CIITA: variants seen among roughly 807,000 people sequenced by gnomAD.
The protein encoded by CIITA is class II major histocompatibility complex transactivator.
CIITA carries 72 observed loss-of-function variants against 115.1 expected under a neutral mutation model. The observed-to-expected ratio is 0.63, with a 90% confidence interval of 0.52 to 0.76. The LOEUF is 0.76. CIITA is among the 30% of genes least tolerant of loss of function. CIITA has a pLI of 0.00. For synonymous variants in CIITA, 763 were observed against 635.6 expected, an observed-to-expected ratio of 1.20 and a Z score of -3.02; for missense variants, 1,617 against 1,463.8, an observed-to-expected ratio of 1.10 and a Z score of -1.71.
rs1395880156 is a variant in CIITA at position 10,935,884 on chromosome 16, G to A, written c.*12029G>A. The A allele has an allele frequency of 1.3e-5, 2 of 152,260 alleles. No homozygotes were observed. The highest frequency in any genetic ancestry group is 3.9e-4 in the East Asian group (2 of 5,192). The allele number at this position is 152,260 out of a possible 1,614,324, so 9.4% of individuals were successfully genotyped here. A position where few individuals can be genotyped will look rare whatever the true frequency, so the allele number is the denominator to read the frequency against. On this transcript the variant is annotated 3_prime_UTR_variant, in exon 20 of 20. Transcript: ENST00000324288. The stretch of plus-strand genomic sequence containing the variant: ...AGAGAGAAAGACAGACTGAAGAGCT[G>A]ATCCAGACTGAAGAAGGCTCGAGAT...
rs2144283007 is a variant in CIITA, at chr16:10,895,397, G to C, written c.168G>C (p.Leu56=). ...ACCACTTCTATGACCAGATGGACCTGGCTGGAGAAGAAGAGATTGAGCTCT... is the reference window on the plus strand; with the variant it reads ...ACCACTTCTATGACCAGATGGACCTCGCTGGAGAAGAAGAGATTGAGCTCT... The part of the protein sequence containing the change: ...CLYHFYDQMD[L]AGEEEIELYS... Residue 56 remains leucine (L), a synonymous_variant, in exon 2 of 20, where the codon CTG becomes CTC. Transcript: ENST00000324288. 1.2e-6 allele frequency: 2 copies of C among 1,614,026 alleles called. No individual in the cohort carries two copies. Among genetic ancestry groups the C allele is most frequent in the Non-Finnish European group, 1.7e-6 (2 of 1,180,026 alleles).
chr16:10,886,371 A>G (rs1217844578), intron 1 of CIITA, among the ~76,000 whole-genome samples: 1 of 151,996 alleles, frequency 6.6e-6, no homozygotes, highest in East Asian at 1.9e-4. Flanking sequence ...ACCTGTCCAC[A>G]CCCCCAGTGA....
chr16:10,877,318 G>A lies in CIITA; in HGVS notation c.-13G>A, dbSNP rs1489897075. The A allele has an allele frequency of 6.2e-7, 1 of 1,612,128 alleles. No homozygotes were observed. Among genetic ancestry groups the A allele is most frequent in the Non-Finnish European group, 8.5e-7 (1 of 1,179,104 alleles). Reference sequence around the variant, plus strand: ...GACTCCGGGAGCTGCTGCCTGGCTGGGATTCCTACACAATGCGTTGCCTGG... The same window carrying A: ...GACTCCGGGAGCTGCTGCCTGGCTGAGATTCCTACACAATGCGTTGCCTGG... On this transcript the variant is annotated 5_prime_UTR_variant, in exon 1 of 20. Transcript: ENST00000324288.
intron 15 of CIITA, 120 bp from the exon 16 acceptor site, chr16:10,918,320 A>G: frequency 1.1e-6 from 1 of 909,914 alleles, no homozygotes; most frequent in South Asian, 1.3e-5. Context: ...CTATTTACCG[A>G]GAGGTAGCTT....
intron 1 of CIITA, among the ~76,000 whole-genome samples, chr16:10,885,452 C>T (rs898950835): frequency 6.6e-6 from 1 of 152,170 alleles, no homozygotes; most frequent in Admixed American, 6.5e-5. Flanking sequence ...CTGAGCATTG[C>T]AGTGTTGCTA....
chr16:10,882,811 C>T (rs1367792822), intron 1 of CIITA, among the ~76,000 whole-genome samples: 2 of 151,990 alleles, frequency 1.3e-5, no homozygotes, highest in Non-Finnish European at 2.9e-5. Context: ...GGAGGAGAAT[C>T]GCCTGAACCC....
downstream of CIITA, chr16:10,938,122 T>C (rs1362132312): frequency 6.6e-6 from 1 of 152,242 alleles, no homozygotes; most frequent in Non-Finnish European, 1.5e-5. This position sits in a 1 kb window ranked among gnomAD's most constrained non-coding sequence, Gnocchi z 4.9. Context: ...TCTTACTATA[T>C]ACAAGGAGAT....
intron 1 of CIITA, among the ~76,000 whole-genome samples, chr16:10,869,476 C>T (rs74007569): frequency 0.041 from 6,213 of 151,950 alleles, 396 homozygotes; most frequent in African/African-American, 0.14. Context: ...ATTGCAACTC[C>T]TCCCTCCACA....
At chr16:10,916,550 C>G (rs1234366317) in intron 15 of CIITA, 91 bp downstream of exon 15, 56 of 1,093,984 alleles carry the variant, frequency 5.1e-5, no homozygotes, top group Non-Finnish European at 6.8e-5. Context: ...TTTTTTTAGA[C>G]AAGGGCTCGC....
chr16:10,891,978 G>A (rs908569454), intron 1 of CIITA, among the ~76,000 whole-genome samples: 11 of 152,170 alleles, frequency 7.2e-5, no homozygotes, highest in African/African-American at 1.9e-4. Flanking sequence ...ACATCCGGGG[G>A]TCTGTGCTGA....
At chr16:10,938,702 G>C (rs1425518163), downstream of CIITA, 1 of 152,188 alleles carries the variant, frequency 6.6e-6, no homozygotes, top group Admixed American at 6.5e-5. The surrounding 1 kb of genome is among the most constrained non-coding windows in gnomAD (Gnocchi z 4.9). Context: ...TTGGATTTGA[G>C]GGTGGGGAGG....
At chr16:10,872,863 T>G (rs2035579820), upstream of CIITA, among the ~76,000 whole-genome samples, 1 of 152,236 alleles carries the variant, frequency 6.6e-6, no homozygotes, top group Non-Finnish European at 1.5e-5. Flanking sequence ...TTTAACCTAG[T>G]AGGGGAGGAA....
chr16:10,877,734 T>C (rs2035972604), intron 1 of CIITA, among the ~76,000 whole-genome samples: 1 of 152,218 alleles, frequency 6.6e-6, no homozygotes, highest in African/African-American at 2.4e-5. Context: ...GGGGTGCCTC[T>C]GCAGGACGGG....
At chr16:10,877,006 C>T (rs1320096822), upstream of CIITA, among the ~76,000 whole-genome samples, 1 of 152,200 alleles carries the variant, frequency 6.6e-6, no homozygotes, top group African/African-American at 2.4e-5. Flanking sequence ...TCACCAAATT[C>T]AGTCCACAGT....
intron 16 of CIITA, among the ~76,000 whole-genome samples, chr16:10,921,642 G>A (rs2040277410): frequency 1.3e-5 from 2 of 152,252 alleles, no homozygotes; most frequent in South Asian, 4.1e-4. Flanking sequence ...GGCAGTAAGA[G>A]GCATAGCTGG....
chr16:10,917,789 T>A lies in CIITA; in HGVS notation c.3063-651T>A, dbSNP rs552877855. On this transcript the variant is annotated intron_variant, in intron 15 of 19. Transcript: ENST00000324288. ...GCCACCACGCCCAGTTCAACATGAT[T>A]TTTTACTGAACCTAGAGGATATCAA... 3.3e-5 allele frequency among the ~76,000 whole-genome samples: 5 copies of A among 152,288 alleles called. 2 individuals are homozygous for A. The highest frequency in any genetic ancestry group is 6.8e-3 in the Middle Eastern group (2 of 294).
chr16:10,868,738 T>C (rs779002593), intron 1 of CIITA, among the ~76,000 whole-genome samples: 3 of 152,122 alleles, frequency 2.0e-5, no homozygotes, highest in African/African-American at 7.2e-5. Context: ...ACCCCCTCTT[T>C]CCGAGAGTGC....
chr16:10,903,999 A>G (rs1315435239), intron 9 of CIITA, 104 bp downstream of exon 9: 3 of 1,487,012 alleles, frequency 2.0e-6, no homozygotes, highest in Middle Eastern at 1.7e-4. Context: ...CTGTAGGGAC[A>G]ACAGGTCATG....
chr16:10,868,470 C>G (rs934928687), intron 1 of CIITA, among the ~76,000 whole-genome samples: 1 of 152,212 alleles, frequency 6.6e-6, no homozygotes, highest in African/African-American at 2.4e-5. Context: ...TGGTCAAATT[C>G]TCACCCAAGT....
Sources: allele counts gnomAD v4.1 joint callset (sites outside exome capture counted in the v4.1 genomes callset), GRCh38; gene constraint gnomAD v4.1.1; non-coding constraint Gnocchi (gnomAD v3.1); transcripts MANE v1.5; gene names NCBI Gene and HGNC (gene_info 2026-07-23, HGNC 2026-07-21).